Variants in PPP2R2C observed in about 807,000 individuals in gnomAD.
PPP2R2C encodes the protein protein phosphatase 2, regulatory subunit B, gamma.
In PPP2R2C, 10 loss-of-function variants were observed where a neutral mutation model predicts 45.3. The observed-to-expected ratio is 0.22, with a 90% CI of 0.14 to 0.37. The LOEUF (loss-of-function observed/expected upper bound fraction) is 0.37. PPP2R2C is among the 10% of genes least tolerant of loss of function. The probability of loss-of-function intolerance (pLI) is 1.00; values close to 1 mark genes in which losing one functional copy is unlikely to be tolerated. For synonymous variants in PPP2R2C, 257 were observed against 245.4 expected (o/e 1.05, Z -0.44); for missense variants, 308 against 619.7 (o/e 0.50, Z 5.34).
At chr4:6,401,020 T>A (rs1040052388) in intron 1 of PPP2R2C, among the ~76,000 whole-genome samples, 3 of 152,230 alleles carry the variant, frequency 2.0e-5, no homozygotes, top group Non-Finnish European at 4.4e-5. Flanking sequence ...AAGTGGCACG[T>A]GGCAGGACAT....
At chr4:6,503,793 A>G (rs1031849249) in intron 2 of PPP2R2C, among the ~76,000 whole-genome samples, 3 of 84,506 alleles carry the variant, frequency 3.6e-5, no homozygotes, top group African/African-American at 1.1e-4. Context: ...CTACTTGGCA[A>G]TTAAAAAAAA....
chr4:6,505,041 A>G (rs1723176903), intron 2 of PPP2R2C, among the ~76,000 whole-genome samples: 1 of 152,246 alleles, frequency 6.6e-6, no homozygotes, highest in South Asian at 2.1e-4. Flanking sequence ...AAAACTCTGG[A>G]AAGAAGCCGG....
chr4:6,519,060 T>A (rs1723928084), intron 2 of PPP2R2C, among the ~76,000 whole-genome samples: 1 of 151,896 alleles, frequency 6.6e-6, no homozygotes, highest in Non-Finnish European at 1.5e-5. Context: ...TAACAAATAT[T>A]TAAGGAAGAA....
chr4:6,355,921 G>C (rs1302670459), intron 5 of PPP2R2C, among the ~76,000 whole-genome samples: 3 of 151,328 alleles, frequency 2.0e-5, no homozygotes, highest in African/African-American at 7.3e-5. Flanking sequence ...TTGAACCTGG[G>C]AGGCAGAGGT....
intron 1 of PPP2R2C, among the ~76,000 whole-genome samples, chr4:6,539,711 C>T (rs1324858336): frequency 6.6e-6 from 1 of 152,212 alleles, no homozygotes; most frequent in Non-Finnish European, 1.5e-5. Context: ...AGAATCAGAT[C>T]TGGGGTTTGC....
At chr4:6,480,815 T>C (rs1290544103) in intron 2 of PPP2R2C, among the ~76,000 whole-genome samples, 4 of 152,220 alleles carry the variant, frequency 2.6e-5, no homozygotes, top group Non-Finnish European at 5.9e-5. Context: ...TATCACATTC[T>C]CAAGTGACAC....
At chr4:6,373,941 G>A (rs998235401) in intron 4 of PPP2R2C, among the ~76,000 whole-genome samples, 3 of 150,524 alleles carry the variant, frequency 2.0e-5, no homozygotes, top group East Asian at 3.9e-4. Context: ...ACGCAGCACC[G>A]GTGTGAGTGA....
chr4:6,412,530 C>T (rs1718257599), intron 1 of PPP2R2C, among the ~76,000 whole-genome samples: 1 of 152,254 alleles, frequency 6.6e-6, no homozygotes, highest in Non-Finnish European at 1.5e-5. Context: ...CCAAGTCACA[C>T]AGCTCCTGAA....
intron 1 of PPP2R2C, among the ~76,000 whole-genome samples, chr4:6,429,866 C>T (rs1317040959): frequency 6.6e-6 from 1 of 151,904 alleles, no homozygotes; most frequent in African/African-American, 2.4e-5. Flanking sequence ...GGCATGGGGG[C>T]CAGCTGGATG....
chr4:6,358,120 A>T (rs1713384125), intron 5 of PPP2R2C, among the ~76,000 whole-genome samples: 1 of 152,198 alleles, frequency 6.6e-6, no homozygotes, highest in Non-Finnish European at 1.5e-5. Flanking sequence ...ACAGCATGGT[A>T]CTGGTACCAA....
At chr4:6,517,636 C>A (rs1032590234) in intron 2 of PPP2R2C, among the ~76,000 whole-genome samples, 2 of 152,166 alleles carry the variant, frequency 1.3e-5, no homozygotes, top group African/African-American at 4.8e-5. Context: ...GAAGAAATTA[C>A]CCTGCGGCTC....
intron 1 of PPP2R2C, among the ~76,000 whole-genome samples, chr4:6,561,683 A>G (rs1378637279): frequency 6.6e-6 from 1 of 151,070 alleles, no homozygotes; most frequent in Non-Finnish European, 1.5e-5. Context: ...TTGGATACAC[A>G]CACAGATACA....
intron 1 of PPP2R2C, among the ~76,000 whole-genome samples, chr4:6,397,849 C>CAATA (rs573217600): frequency 1.5e-3 from 235 of 152,238 alleles, no homozygotes; most frequent in African/African-American, 5.1e-3. Flanking sequence ...AATGACTTTG[C>CAATA]AATAAATAAA....
At chr4:6,402,600 G>A (rs1717491272) in intron 1 of PPP2R2C, among the ~76,000 whole-genome samples, 1 of 152,238 alleles carries the variant, frequency 6.6e-6, no homozygotes, top group African/African-American at 2.4e-5. Flanking sequence ...GGTGGGACAT[G>A]GAGCGGCTTC....
intron 5 of PPP2R2C, 84 bp from the exon 6 acceptor site, chr4:6,348,094 A>T (rs1020001813): frequency 6.6e-7 from 1 of 1,505,914 alleles, no homozygotes; most frequent in Non-Finnish European, 9.1e-7. Flanking sequence ...ACCTCTCCCG[A>T]GGCAAAACCG....
intron 5 of PPP2R2C, among the ~76,000 whole-genome samples, chr4:6,353,279 C>T (rs1362087496): frequency 1.5e-4 from 18 of 119,588 alleles, no homozygotes; most frequent in Non-Finnish European, 1.2e-4. Flanking sequence ...CACCGACAGT[C>T]CCCCCACACC....
At chr4:6,483,794 ATTAAT>A (rs1226082380) in intron 2 of PPP2R2C, among the ~76,000 whole-genome samples, 1 of 152,070 alleles carries the variant, frequency 6.6e-6, no homozygotes, top group East Asian at 1.9e-4. Flanking sequence ...GGCCAAATTT[ATTAAT>A]TTTTAATTTT....
intron 1 of PPP2R2C, among the ~76,000 whole-genome samples, chr4:6,416,010 A>G (rs1718554441): frequency 6.6e-6 from 1 of 152,204 alleles, no homozygotes; most frequent in Non-Finnish European, 1.5e-5. Flanking sequence ...GCACCCCAGG[A>G]CCAATTTTTT....
intron 2 of PPP2R2C, among the ~76,000 whole-genome samples, chr4:6,492,888 T>G (rs948294846): frequency 2.0e-5 from 3 of 152,088 alleles, no homozygotes; most frequent in African/African-American, 7.2e-5. Flanking sequence ...GGGACTGAAC[T>G]TCAGGGTTAG....
Sources: gnomAD v4.1 joint callset for allele counts (sites outside exome capture counted in the v4.1 genomes callset) on GRCh38, gnomAD v4.1.1 for gene constraint, MANE v1.5 for transcripts, NCBI Gene and HGNC (gene_info 2026-07-23, HGNC 2026-07-21) for gene names.